Variants in SLK observed in about 807,000 individuals in gnomAD.
SLK encodes STE20-like serine/threonine-protein kinase.
SLK carries 67 observed loss-of-function variants against 147.7 expected under a neutral mutation model. The ratio of observed to expected loss-of-function variants is 0.45; its 90% CI spans 0.37 to 0.56. The LOEUF is 0.56. Ranked by LOEUF, SLK falls within the 20% of genes least tolerant of loss-of-function variation. SLK has a pLI of 0.00. For synonymous variants in SLK, 441 were observed against 475.0 expected, an observed-to-expected ratio of 0.93 and a Z score of 0.93; for missense variants, 1,136 against 1,438.8, an observed-to-expected ratio of 0.79 and a Z score of 3.41.
intron 1 of SLK, among the ~76,000 whole-genome samples, chr10:103,980,130 A>G (rs775447268): frequency 1.3e-5 from 2 of 152,166 alleles, no homozygotes; most frequent in Non-Finnish European, 2.9e-5. Context: ...CTGCTTTGCA[A>G]TGCTTCCATC....
intron 13 of SLK, among the ~76,000 whole-genome samples, chr10:104,016,098 C>T (rs1844459744): frequency 1.3e-5 from 2 of 152,080 alleles, no homozygotes; most frequent in African/African-American, 4.8e-5. Context: ...GTGGGCGAAT[C>T]ACAAGGTCAG....
intron 1 of SLK, among the ~76,000 whole-genome samples, chr10:103,989,464 C>CTTTTTTTTTTTTTTTTT (rs68033075): frequency 1.3e-5 from 1 of 78,618 alleles, no homozygotes; most frequent in African/African-American, 5.2e-5. Flanking sequence ...GTGGCAGTTT[C>CTTTTTTTTTTTTTTTTT]TTTTTTTTTT....
chr10:103,976,225 C>A lies in SLK; in HGVS notation c.150+8330C>A, dbSNP rs559931963. Reference sequence around the variant, plus strand: ...GCCTTAAATTTTTTAAATTAAAAACCAAAAAATACGATTCATGAATATTCT... The same window carrying A: ...GCCTTAAATTTTTTAAATTAAAAACAAAAAAATACGATTCATGAATATTCT... On this transcript the variant is annotated intron_variant, in intron 1 of 18. Coordinates refer to ENST00000369755, the MANE Select transcript of SLK (RefSeq NM_014720.4). Among the ~76,000 whole-genome samples the A allele has an allele frequency of 7.5e-4, 114 of 152,064 alleles. 1 individual carries two copies. The highest frequency in any genetic ancestry group is 1.0e-3 in the Non-Finnish European group (68 of 67,964).
At chr10:104,007,448 A>T (rs1262392181) in intron 11 of SLK, among the ~76,000 whole-genome samples, 4 of 152,062 alleles carry the variant, frequency 2.6e-5, no homozygotes, top group African/African-American at 9.7e-5. Flanking sequence ...TCTACTAAAA[A>T]TACAGAAAAA....
chr10:104,004,636 G>A (rs1353958100), intron 9 of SLK, among the ~76,000 whole-genome samples: 2 of 152,062 alleles, frequency 1.3e-5, no homozygotes, highest in East Asian at 3.9e-4. Flanking sequence ...AAAGGTGATT[G>A]GAAGGTGCCA....
At chr10:104,019,985 T>G (rs1284997756) in intron 16 of SLK, 63 bp downstream of exon 16, 1 of 1,282,182 alleles carries the variant, frequency 7.8e-7, no homozygotes, top group East Asian at 2.3e-5. Context: ...CATTAGAAGT[T>G]CTACAAAATT....
intron 12 of SLK, 72 bp downstream of exon 12, chr10:104,008,428 AT>A: frequency 9.8e-7 from 1 of 1,017,292 alleles, no homozygotes; most frequent in Non-Finnish European, 1.4e-6. Context: ...CTATCTAAGG[AT>A]TTAGGAATAC....
chr10:103,993,270 A>C, intron 4 of SLK, 137 bp downstream of exon 4: 1 of 511,172 alleles, frequency 2.0e-6, no homozygotes, highest in Non-Finnish European at 3.3e-6. Context: ...TTTTTAAAAA[A>C]CACTTTTTTA....
chr10:103,970,301 G>A (rs1474445381), intron 1 of SLK, among the ~76,000 whole-genome samples: 2 of 152,190 alleles, frequency 1.3e-5, no homozygotes, highest in African/African-American at 4.8e-5. Context: ...AGATACTAAA[G>A]CCCTGTGTTA....
intron 18 of SLK, among the ~76,000 whole-genome samples, 161 bp downstream of exon 18, chr10:104,021,894 G>A (rs1290625957): frequency 2.6e-5 from 4 of 152,160 alleles, no homozygotes; most frequent in African/African-American, 7.2e-5. Context: ...CTAGTGACAA[G>A]CAGTTAGGAA....
At chr10:104,016,083 CCGAGGTGGG>C (rs1844459392) in intron 13 of SLK, among the ~76,000 whole-genome samples, 1 of 152,038 alleles carries the variant, frequency 6.6e-6, no homozygotes, top group Non-Finnish European at 1.5e-5. Context: ...CTTTGGGAGG[CCGAGGTGGG>C]CGAATCACAA....
chr10:104,002,125 C>G (rs1187079773), intron 8 of SLK, 47 bp from the exon 9 acceptor site: 2 of 1,466,626 alleles, frequency 1.4e-6, no homozygotes, highest in Non-Finnish European at 1.8e-6. Context: ...GTTTTGGTCA[C>G]TCTAAGGTCA....
Position 104,003,029 on chromosome 10 carries a change from G to T in SLK, c.1851G>T (p.Lys617Asn). 6 of 1,613,732 alleles carry T rather than the reference G, an allele frequency of 3.7e-6. No homozygotes were observed. The highest frequency in any genetic ancestry group is 5.1e-6 in the Non-Finnish European group (6 of 1,179,834). ...EMNEIEEGKNKEQAINSSENI... is the reference protein window; with the variant it reads ...EMNEIEEGKNNEQAINSSENI... ...ATGAAATAGAAGAAGGTAAAAATAA[G>T]GAACAAGCAATAAACAGTTCAGAGA... The change falls in exon 9 of 19, where the codon AAG becomes AAT. Residue 617 changes from lysine to asparagine, a missense_variant. Coordinates refer to ENST00000369755, the MANE Select transcript of SLK (RefSeq NM_014720.4).
intron 1 of SLK, among the ~76,000 whole-genome samples, chr10:103,978,954 T>C (rs1015222431): frequency 9.9e-5 from 15 of 152,204 alleles, no homozygotes; most frequent in African/African-American, 3.6e-4. Flanking sequence ...TCTTTGTATG[T>C]TGTCATTTTA....
At position 104,026,855 on chromosome 10, in the gene SLK, T is replaced by C. The variant is rs1213081776; in HGVS notation, c.*1135T>C. On this transcript the variant is annotated 3_prime_UTR_variant, in exon 19 of 19. Transcript: ENST00000369755. Reference sequence around the variant, plus strand: ...TTTATTTTGTTCCATGTTTAAATCATTCACTTTGATTTGAGTGGGAAAAGC... The same window carrying C: ...TTTATTTTGTTCCATGTTTAAATCACTCACTTTGATTTGAGTGGGAAAAGC... 6.6e-6 allele frequency: 1 copy of C among 152,236 alleles called. No homozygotes were observed. The highest frequency in any genetic ancestry group is 1.5e-5 in the Non-Finnish European group (1 of 68,040). 9.4% of individuals were successfully genotyped at this position (152,236 alleles called of 1,614,324 possible).
chr10:103,972,671 C>CA (rs140628724), intron 1 of SLK, among the ~76,000 whole-genome samples: 111,463 of 144,448 alleles, frequency 0.77, 43,178 homozygotes, highest in East Asian at 0.9. Context: ...GACTCCGTCT[C>CA]AAAAAAAAAA....
chr10:103,983,469 C>T (rs188462929), intron 1 of SLK, among the ~76,000 whole-genome samples: 35 of 152,304 alleles, frequency 2.3e-4, no homozygotes, highest in Non-Finnish European at 4.0e-4. Context: ...GTTCCAAATA[C>T]GCCCTTCTAT....
At chr10:104,025,162 G>A (rs933399251) in intron 18 of SLK, among the ~76,000 whole-genome samples, 20 of 152,146 alleles carry the variant, frequency 1.3e-4, no homozygotes, top group Non-Finnish European at 1.0e-4. Context: ...CAGGCGCATC[G>A]TAACTAAAAT....
At chr10:103,982,696 CACTT>C (rs1843961845) in intron 1 of SLK, among the ~76,000 whole-genome samples, 1 of 152,174 alleles carries the variant, frequency 6.6e-6, no homozygotes, top group African/African-American at 2.4e-5. Context: ...ATACTTGCGG[CACTT>C]ACTTGGTTAT....
Sources: allele counts gnomAD v4.1 joint callset (sites outside exome capture counted in the v4.1 genomes callset), GRCh38; gene constraint gnomAD v4.1.1; transcripts MANE v1.5; gene names NCBI Gene and HGNC (gene_info 2026-07-23, HGNC 2026-07-21).